DCAF11: variants seen among roughly 807,000 people sequenced by gnomAD.
DCAF11 encodes the protein DDB1- and CUL4-associated factor 11.
Under a neutral mutation model 76.1 loss-of-function variants are expected in DCAF11, and 44 were observed. The observed-to-expected ratio is 0.58, with a 90% confidence interval of 0.45 to 0.74. The LOEUF (loss-of-function observed/expected upper bound fraction) is 0.74, where lower values mean the gene tolerates loss of function less well. Ranked by LOEUF, DCAF11 falls within the 30% of genes least tolerant of loss-of-function variation. The probability of loss-of-function intolerance (pLI) is 0.00; values close to 1 mark genes in which losing one functional copy is unlikely to be tolerated. For synonymous variants in DCAF11, 258 were observed against 255.0 expected (o/e 1.01, Z -0.11); for missense variants, 604 against 709.4 (o/e 0.85, Z 1.69).
At position 24,123,284 on chromosome 14, in the gene DCAF11, C is replaced by G. The variant is rs772810216; in HGVS notation, c.1616C>G (p.Ser539Cys). Residue 539 changes from serine to cysteine, a missense_variant, in exon 15 of 15, where the codon TCT becomes TGT. Transcript: ENST00000446197. ...ASAPAPVPQSSTPFSSPQ is the reference protein window; with the variant it reads ...ASAPAPVPQSCTPFSSPQ ...GCCCCTGCCCCAGTGCCCCAATCCT[C>G]TACACCCTTTTCCTCACCCCAGTAG... The G allele has an allele frequency of 6.5e-7, 1 of 1,544,176 alleles. No homozygotes were observed. The highest frequency in any genetic ancestry group is 8.7e-7 in the Non-Finnish European group (1 of 1,144,782).
In DCAF11 at chr14:24,119,540, T is replaced by C. The variant is rs369615766; in HGVS notation, c.849-19T>C. 4.4e-5 allele frequency: 71 copies of C among 1,614,210 alleles called. No individual in the cohort carries two copies. Among genetic ancestry groups the C allele is most frequent in the Non-Finnish European group, 5.5e-5 (65 of 1,180,032 alleles). ...CTCGATCATGGCTCCAGGACCCTCC[T>C]TTATCCCTTCCCTTTCAGGGCCAAT... On this transcript the variant is annotated intron_variant, in intron 9 of 14. Transcript: ENST00000446197.
At chr14:24,120,383 C>T (rs549336308) in intron 11 of DCAF11, among the ~76,000 whole-genome samples, 155 of 152,050 alleles carry the variant, frequency 1.0e-3, no homozygotes, top group Non-Finnish European at 1.7e-3. Flanking sequence ...GGTGAAACCC[C>T]GTCTCTACTA....
intron 13 of DCAF11, among the ~76,000 whole-genome samples, chr14:24,122,754 A>G (rs2037714956): frequency 6.6e-6 from 1 of 152,234 alleles, no homozygotes; most frequent in Non-Finnish European, 1.5e-5. Flanking sequence ...GCTAAGGGCC[A>G]GACATACCCA....
In DCAF11 at chr14:24,121,513, G is replaced by A. The variant is rs919485496; in HGVS notation, c.1395G>A (p.Val465=). The change falls in exon 13 of 15, where the codon GTG becomes GTA. Residue 465 remains valine, a synonymous_variant. Coordinates refer to ENST00000446197, the MANE Select transcript of DCAF11 (RefSeq NM_025230.5). ...ACAGTGGCTGCTCCACTGGCAAAGTGGTTGGTAAGGATTGTGTCAGAACAG... is the reference window on the plus strand; with the variant it reads ...ACAGTGGCTGCTCCACTGGCAAAGTAGTTGGTAAGGATTGTGTCAGAACAG... ...FIYSGCSTGK[V]VVYDLLSGHI... 1 of 1,614,130 alleles carries A rather than the reference G, an allele frequency of 6.2e-7. No individual in the cohort carries two copies. The highest frequency in any genetic ancestry group is 1.1e-5 in the South Asian group (1 of 91,086).
Position 24,123,166 on chromosome 14 carries a change from G to T in DCAF11, c.1507-9G>T. The T allele has an allele frequency of 6.2e-7, 1 of 1,613,428 alleles. No individual in the cohort carries two copies. Among genetic ancestry groups the T allele is most frequent in the Non-Finnish European group, 8.5e-7 (1 of 1,179,474 alleles). On this transcript the variant is annotated splice_polypyrimidine_tract_variant and intron_variant, in intron 14 of 14. Transcript: ENST00000446197. ...ACATCCTGACTGCTTGCCACCCTCT[G>T]CCCTGCAGTGGGACGGGAACCTGCG... is the stretch of plus-strand genomic sequence containing the variant.
Position 24,118,459 on chromosome 14 carries a change from G to T in DCAF11, c.649G>T (p.Val217Leu). The change falls in exon 7 of 15, where the codon GTA becomes TTA. Residue 217 changes from valine (V) to leucine (L), a missense_variant. Physicochemically the swap from Val to Leu is conservative, Grantham distance 32. Coordinates refer to ENST00000446197, the MANE Select transcript of DCAF11 (RefSeq NM_025230.5). ...ATTCAAGAGCATCAAGGCCCGCGAC[G>T]TAGGCTGGAGCGTCTTGGATGTGGC... ...RKFKSIKARD[V>L]GWSVLDVAFT... is the part of the protein sequence containing the mutation. The T allele has an allele frequency of 6.2e-7, 1 of 1,614,228 alleles. No individual in the cohort carries two copies. Among genetic ancestry groups the T allele is most frequent in the Non-Finnish European group, 8.5e-7 (1 of 1,180,046 alleles).
At position 24,117,489 on chromosome 14, in the gene DCAF11, A is replaced by G; in HGVS notation, c.411+96A>G. The G allele has an allele frequency of 1.3e-6, 2 of 1,576,688 alleles. No individual in the cohort carries two copies. The highest frequency in any genetic ancestry group is 1.7e-6 in the Non-Finnish European group (2 of 1,159,992). On this transcript the variant is annotated intron_variant, in intron 4 of 14. Coordinates refer to ENST00000446197, the MANE Select transcript of DCAF11 (RefSeq NM_025230.5). The surrounding 1 kb of genome is among the most constrained non-coding windows in gnomAD (Gnocchi z 4.3). ...AAAAAGGAAGTCAACTTTCCAAAGT[A>G]GAAGCCTCAAGCGCTGGGGCTGGAG...
rs2037528855 is a variant in DCAF11 at position 24,115,482 on chromosome 14, C to G, written c.-113C>G. The stretch of plus-strand genomic sequence containing the variant: ...AGGGTCACCCTCCTAGAGATAGCTA[C>G]TACCCCGTCTCAGGAGACCCTGGTA... On this transcript the variant is annotated 5_prime_UTR_variant, in exon 2 of 15. Transcript: ENST00000446197. 2.7e-6 allele frequency: 4 copies of G among 1,459,596 alleles called. No homozygotes were observed. Among genetic ancestry groups the G allele is most frequent in the East Asian group, 4.6e-5 (2 of 43,072 alleles). 90.4% of individuals were successfully genotyped at this position (1,459,596 alleles called of 1,614,324 possible). A position where few individuals can be genotyped will look rare whatever the true frequency, so the allele number is the denominator to read the frequency against.
intron 8 of DCAF11, 147 bp downstream of exon 8, chr14:24,118,951 GT>G: frequency 8.8e-7 from 1 of 1,140,878 alleles, no homozygotes; most frequent in Non-Finnish European, 1.3e-6. Flanking sequence ...GCACCATCTT[GT>G]CAGCCAGAGG....
At position 24,117,533 on chromosome 14, in the gene DCAF11, G is replaced by A. The variant is rs186456647; in HGVS notation, c.412-135G>A. 737 of 1,514,564 alleles carry A rather than the reference G, an allele frequency of 4.9e-4. 2 individuals carry two copies. In the African/African-American group the frequency reaches 6.3e-3, roughly 13 times the overall value. 93.8% of individuals were successfully genotyped at this position (1,514,564 alleles called of 1,614,324 possible). On this transcript the variant is annotated intron_variant, in intron 4 of 14. Coordinates refer to ENST00000446197, the MANE Select transcript of DCAF11 (RefSeq NM_025230.5). The surrounding 1 kb of genome is among the most constrained non-coding windows in gnomAD (Gnocchi z 4.3). ...GCTGGAGAGTTAACCAGCCTCCATC[G>A]GAGTTCTGTGGGACAGACTATGATG...
rs754562633 is a variant in DCAF11 at position 24,121,412 on chromosome 14, C to T, written c.1294C>T (p.Arg432Trp). 16 of 1,614,096 alleles carry T rather than the reference C, an allele frequency of 9.9e-6. No individual in the cohort carries two copies. Among genetic ancestry groups the T allele is most frequent in the East Asian group, 2.2e-5 (1 of 44,898 alleles). ...LPGDSSLMTY[R>W]GHGVLHTLIR... ...AGGGGACAGCTCCTTGATGACCTAC[C>T]GGGGCCACGGAGTGCTGCACACCCT... The change falls in exon 13 of 15, where the codon CGG (arginine) becomes TGG (tryptophan). Residue 432 changes from arginine (R) to tryptophan (W), a missense_variant. Physicochemically the swap from Arg to Trp is moderately radical, Grantham distance 101. Transcript: ENST00000446197.
rs1433090786 is a variant in DCAF11, at chr14:24,117,448, T to G, written c.411+55T>G. On this transcript the variant is annotated intron_variant, in intron 4 of 14. Transcript: ENST00000446197. The surrounding 1 kb of genome is among the most constrained non-coding windows in gnomAD (Gnocchi z 4.3). ...CAGGCCTGCCAAAGCAGCCAGAAGCTCTGCCAGCCCCAGAGAAAAAGGAAG... is the reference window on the plus strand; with the variant it reads ...CAGGCCTGCCAAAGCAGCCAGAAGCGCTGCCAGCCCCAGAGAAAAAGGAAG... 2 of 1,607,248 alleles carry G rather than the reference T, an allele frequency of 1.2e-6. No homozygotes were observed. The highest frequency in any genetic ancestry group is 1.7e-6 in the Non-Finnish European group (2 of 1,175,818).
chr14:24,121,756 G>T, intron 13 of DCAF11: 1 of 458,642 alleles, frequency 2.2e-6, no homozygotes. Context: ...AATATAGTTG[G>T]TTCTGTTTTT....
chr14:24,115,994 G>C (rs1327644340), intron 2 of DCAF11, among the ~76,000 whole-genome samples: 2 of 151,916 alleles, frequency 1.3e-5, no homozygotes, highest in African/African-American at 4.8e-5. Flanking sequence ...ATTCAAGGGA[G>C]CCTGTCTCTG....
At chr14:24,122,936 G>A in intron 13 of DCAF11, 35 bp from the exon 14 acceptor site, 1 of 1,591,712 alleles carries the variant, frequency 6.3e-7, no homozygotes, top group Non-Finnish European at 8.6e-7. Flanking sequence ...GATGTCTTGT[G>A]GTGGTCCCTC....
intron 12 of DCAF11, 56 bp downstream of exon 12, chr14:24,121,047 G>A (rs1439944439): frequency 6.2e-7 from 1 of 1,600,444 alleles, no homozygotes. Context: ...AGCCCTGGAG[G>A]ACCTCCCCCT....
chr14:24,117,073 G>C lies in DCAF11; in HGVS notation c.283+29G>C, dbSNP rs1350572489. 3.1e-6 allele frequency: 5 copies of C among 1,613,682 alleles called. No homozygotes were observed. The highest frequency in any genetic ancestry group is 4.2e-6 in the Non-Finnish European group (5 of 1,179,920). On this transcript the variant is annotated intron_variant, in intron 3 of 14. Coordinates refer to ENST00000446197, the MANE Select transcript of DCAF11 (RefSeq NM_025230.5). This position sits in a 1 kb window ranked among gnomAD's most constrained non-coding sequence, Gnocchi z 4.3. Reference sequence around the variant, plus strand: ...AGAGGAAAAGCCCCTAATGTTGGAAGACTTTTACTAGAAAACCTTTTAGTG... The same window carrying C: ...AGAGGAAAAGCCCCTAATGTTGGAACACTTTTACTAGAAAACCTTTTAGTG...
At chr14:24,121,044 G>A in intron 12 of DCAF11, 53 bp downstream of exon 12, 2 of 1,602,760 alleles carry the variant, frequency 1.2e-6, no homozygotes, top group South Asian at 2.2e-5. Flanking sequence ...GGGAGCCCTG[G>A]AGGACCTCCC....
In DCAF11 at chr14:24,118,479, T is replaced by C. The variant is rs765214965; in HGVS notation, c.669T>C (p.Asp223=). Residue 223 remains aspartate, a synonymous_variant, in exon 7 of 15, where the codon GAT becomes GAC. Transcript: ENST00000446197. ...GCGACGTAGGCTGGAGCGTCTTGGATGTGGCCTTCACCCCTGATGGGAACC... is the reference window on the plus strand; with the variant it reads ...GCGACGTAGGCTGGAGCGTCTTGGACGTGGCCTTCACCCCTGATGGGAACC... ...KARDVGWSVL[D]VAFTPDGNHF... 10 of 1,614,102 alleles carry C rather than the reference T, an allele frequency of 6.2e-6. No homozygotes were observed. Among genetic ancestry groups the C allele is most frequent in the African/African-American group, 5.3e-5 (4 of 74,938 alleles).
Sources: gnomAD v4.1 joint callset for allele counts (sites outside exome capture counted in the v4.1 genomes callset) on GRCh38, gnomAD v4.1.1 for gene constraint, Gnocchi (gnomAD v3.1) non-coding constraint, MANE v1.5 for transcripts, NCBI Gene and HGNC (gene_info 2026-07-23, HGNC 2026-07-21) for gene names.